The following VEPH1 variants were observed in gnomAD, a reference collection of about 807,000 sequenced individuals.
The protein encoded by VEPH1 is ventricular zone expressed PH domain containing 1.
VEPH1 carries 80 observed loss-of-function variants against 85.2 expected under a neutral mutation model. The ratio of observed to expected loss-of-function variants is 0.94; its 90% CI spans 0.78 to 1.13. The LOEUF is 1.13. VEPH1 is among the 50% of genes most tolerant of loss of function. The probability of loss-of-function intolerance (pLI) is 0.00; values close to 1 mark genes in which losing one functional copy is unlikely to be tolerated. For missense variants in VEPH1, 955 were observed against 980.5 expected (o/e 0.97, Z 0.35); for synonymous variants, 297 against 348.0 (o/e 0.85, Z 1.63).
chr3:157,434,904 C>T (rs1366985805), intron 4 of VEPH1, among the ~76,000 whole-genome samples: 8 of 152,004 alleles, frequency 5.3e-5, no homozygotes, highest in Admixed American at 1.3e-4. Context: ...ATTTCTTTTT[C>T]GTCCTCCTGA....
At chr3:157,332,897 T>C (rs1722634838) in intron 9 of VEPH1, among the ~76,000 whole-genome samples, 1 of 152,126 alleles carries the variant, frequency 6.6e-6, no homozygotes, top group Admixed American at 6.5e-5. Context: ...ATGAAGGAGG[T>C]GAATCTGAAG....
intron 9 of VEPH1, among the ~76,000 whole-genome samples, chr3:157,318,632 A>AGAG (rs1485244835): frequency 7.8e-6 from 1 of 128,512 alleles, no homozygotes; most frequent in Non-Finnish European, 1.8e-5. Flanking sequence ...AACAAAAAAA[A>AGAG]AAAGAAAGAA....
intron 5 of VEPH1, among the ~76,000 whole-genome samples, chr3:157,419,626 T>A (rs1432227694): frequency 6.6e-6 from 1 of 152,110 alleles, no homozygotes; most frequent in Non-Finnish European, 1.5e-5. Flanking sequence ...AGTGAGATGC[T>A]GTCTCACGCC....
At chr3:157,265,163 C>G (rs767624566) in intron 13 of VEPH1, among the ~76,000 whole-genome samples, 10 of 152,014 alleles carry the variant, frequency 6.6e-5, no homozygotes, top group Admixed American at 3.3e-4. Context: ...TTTGGACCCC[C>G]ATTTCCAAAT....
chr3:157,272,027 C>A (rs140946827), intron 12 of VEPH1, among the ~76,000 whole-genome samples: 2,252 of 151,592 alleles, frequency 0.015, 24 homozygotes, highest in Non-Finnish European at 0.021. Context: ...ACATTATTAA[C>A]TGAAACAAAA....
intron 9 of VEPH1, among the ~76,000 whole-genome samples, chr3:157,326,215 A>T (rs905464605): frequency 6.6e-6 from 1 of 152,090 alleles, no homozygotes; most frequent in Non-Finnish European, 1.5e-5. Context: ...AATTTAAATG[A>T]TGTCTCACTA....
intron 11 of VEPH1, among the ~76,000 whole-genome samples, chr3:157,310,085 G>T (rs1719944143): frequency 6.6e-6 from 1 of 152,152 alleles, no homozygotes; most frequent in Non-Finnish European, 1.5e-5. Context: ...TGAATTTACT[G>T]CACCTGGCTG....
intron 6 of VEPH1, among the ~76,000 whole-genome samples, chr3:157,393,967 C>T (rs1730128212): frequency 6.6e-6 from 1 of 152,144 alleles, no homozygotes; most frequent in East Asian, 1.9e-4. Context: ...GGTTTAGAGC[C>T]ACTTTAGAAA....
intron 6 of VEPH1, among the ~76,000 whole-genome samples, chr3:157,395,605 A>T (rs997668099): frequency 5.3e-5 from 8 of 152,176 alleles, no homozygotes; most frequent in African/African-American, 1.9e-4. Context: ...CTCCAAGGTC[A>T]TCCTTTGCTG....
At chr3:157,462,857 G>A (rs1736006331) in intron 3 of VEPH1, among the ~76,000 whole-genome samples, 1 of 152,150 alleles carries the variant, frequency 6.6e-6, no homozygotes, top group African/African-American at 2.4e-5. Context: ...TGATCAATGA[G>A]AGAATCACAT....
At chr3:157,457,467 G>A (rs1735478690) in intron 4 of VEPH1, among the ~76,000 whole-genome samples, 2 of 152,152 alleles carry the variant, frequency 1.3e-5, no homozygotes, top group African/African-American at 4.8e-5. Context: ...CCAGTTTTCA[G>A]TGGTAATGTT....
In VEPH1 at chr3:157,279,061, A is replaced by G. The variant is rs1324647307; in HGVS notation, c.2128+7496T>C. ...AATAACTGATTTTGGGGTGCCTTAG[A>G]AGCAGTCAAGTAAGTGGTAGGTGAT... On this transcript the variant is annotated intron_variant, in intron 12 of 13. Coordinates refer to ENST00000362010, the MANE Select transcript of VEPH1 (RefSeq NM_001167912.2). 2.0e-5 allele frequency among the ~76,000 whole-genome samples: 3 copies of G among 152,134 alleles called. No individual in the cohort carries two copies. The East Asian group carries it at 5.8e-4, about 29-fold the overall frequency.
intron 5 of VEPH1, among the ~76,000 whole-genome samples, chr3:157,416,080 T>G (rs1291622797): frequency 6.6e-6 from 1 of 152,184 alleles, no homozygotes; most frequent in Non-Finnish European, 1.5e-5. Flanking sequence ...TGTACACTAT[T>G]GGATACCTAA....
At chr3:157,278,482 A>T (rs2088815) in intron 12 of VEPH1, among the ~76,000 whole-genome samples, 10 of 152,136 alleles carry the variant, frequency 6.6e-5, no homozygotes, top group Admixed American at 5.2e-4. Context: ...ACCGTGAAGG[A>T]TATGTTATGA....
At chr3:157,370,448 T>C (rs1057114184) in intron 7 of VEPH1, among the ~76,000 whole-genome samples, 7 of 152,220 alleles carry the variant, frequency 4.6e-5, no homozygotes, top group Non-Finnish European at 7.3e-5. Context: ...TAAATCCACA[T>C]TGGAGTCCTG....
At chr3:157,358,128 C>T (rs1159932235) in intron 9 of VEPH1, among the ~76,000 whole-genome samples, 2 of 152,224 alleles carry the variant, frequency 1.3e-5, no homozygotes, top group East Asian at 1.9e-4. Flanking sequence ...ATGTGTTTCA[C>T]GGGCTGTTGC....
intron 6 of VEPH1, among the ~76,000 whole-genome samples, chr3:157,402,826 A>G (rs897869087): frequency 6.6e-6 from 1 of 152,186 alleles, no homozygotes; most frequent in Non-Finnish European, 1.5e-5. Flanking sequence ...CTTACATGTT[A>G]TCTACATGAA....
chr3:157,313,970 G>C (rs892820158), intron 10 of VEPH1, among the ~76,000 whole-genome samples: 1 of 152,052 alleles, frequency 6.6e-6, no homozygotes, highest in African/African-American at 2.4e-5. Context: ...ACTGAGGCGG[G>C]AGGATCGCTT....
chr3:157,462,584 G>C (rs147445782), intron 3 of VEPH1, among the ~76,000 whole-genome samples: 174 of 152,248 alleles, frequency 1.1e-3, no homozygotes, highest in African/African-American at 4.1e-3. Context: ...TCAAATGTAT[G>C]TTCCTTAAAG....
Sources: gnomAD v4.1 joint callset for allele counts (sites outside exome capture counted in the v4.1 genomes callset) on GRCh38, gnomAD v4.1.1 for gene constraint, MANE v1.5 for transcripts, NCBI Gene and HGNC (gene_info 2026-07-23, HGNC 2026-07-21) for gene names.